PSG7: variants seen among roughly 807,000 people sequenced by gnomAD.
PSG7 encodes pregnancy specific beta-1-glycoprotein 7, also known as pregnancy-specific beta-1-glycoprotein 7.
A neutral mutation model predicts 45.6 loss-of-function variants in PSG7; 57 were observed. That is an observed-to-expected ratio of 1.25 (90% CI 1.01 to 1.56). The LOEUF is 1.56. Among genes scored for constraint, PSG7 ranks in the 40% most tolerant of loss-of-function variants. PSG7 has a pLI of 0.00. For synonymous variants in PSG7, 298 were observed against 194.4 expected (o/e 1.53, Z -4.43); for missense variants, 796 against 508.4 (o/e 1.57, Z -5.44).
rs753361600 is a variant in PSG7, at chr19:42,926,167, C to T, written c.989-140G>A. Reference sequence around the variant, plus strand: ...CAAATCCCCTCTATGTTCACTGAGCCGAAGCCTGAGGTATTCACCTGTTTC... The same window carrying T: ...CAAATCCCCTCTATGTTCACTGAGCTGAAGCCTGAGGTATTCACCTGTTTC... On this transcript the variant is annotated intron_variant, in intron 4 of 5. Coordinates refer to ENST00000406070, the MANE Select transcript of PSG7 (RefSeq NM_002783.3). The T allele has an allele frequency of 5.5e-5, 80 of 1,454,848 alleles. 2 individuals are homozygous for T. Among genetic ancestry groups the T allele is most frequent in the African/African-American group, 5.3e-4 (37 of 70,092 alleles). The allele number at this position is 1,454,848 out of a possible 1,614,324, so 90.1% of individuals were successfully genotyped here.
chr19:42,925,042 A>G (rs1972495332), intron 5 of PSG7: 3 of 564,660 alleles, frequency 5.3e-6, no homozygotes, highest in Non-Finnish European at 9.3e-6. Flanking sequence ...GCAATGGACT[A>G]TGTAGGCTCT....
At chr19:42,933,307 A>ATATATATATATATATTTTTTTT (rs56691588) in intron 2 of PSG7, among the ~76,000 whole-genome samples, 1 of 13,506 alleles carries the variant, frequency 7.4e-5, no homozygotes, top group Non-Finnish European at 1.6e-4. Context: ...ATATATATAT[A>ATATATATATATATATTTTTTTT]TTTTTTTTTT....
chr19:42,925,589 T>C, intron 5 of PSG7, 184 bp downstream of exon 5: 3 of 1,396,432 alleles, frequency 2.1e-6, no homozygotes, highest in Non-Finnish European at 2.9e-6. Context: ...TATGAAGATA[T>C]CAGCCTGTTT....
At chr19:42,932,675 G>T (rs1330890838) in intron 2 of PSG7, among the ~76,000 whole-genome samples, 2 of 151,406 alleles carry the variant, frequency 1.3e-5, no homozygotes, top group African/African-American at 4.9e-5. Flanking sequence ...GCTATCCTTG[G>T]GAAGAATTTG....
Position 42,926,000 on chromosome 19 carries a change from G to A in PSG7, c.1016C>T (p.Pro339Leu). ...LYGPDLPRIY[P>L]SFTYYHSGQN... ...TCCTGAATGGTAATAGGTGAATGAA[G>A]GGTAAATTCTGGGGAGGTCTGGACC... The change falls in exon 5 of 6, where the codon CCT becomes CTT. Residue 339 changes from proline (P) to leucine (L), a missense_variant. By Grantham distance (98) the Pro-to-Leu change is moderately conservative (BLOSUM62 -3). Transcript: ENST00000406070. 1.2e-6 allele frequency: 2 copies of A among 1,612,142 alleles called. No individual in the cohort carries two copies. The highest frequency in any genetic ancestry group is 1.7e-6 in the Non-Finnish European group (2 of 1,179,112).
rs983337571 is a variant in PSG7, at chr19:42,930,041, C to T, written c.431-321G>A. On this transcript the variant is annotated intron_variant, in intron 2 of 5. Transcript: ENST00000406070. ...CTCCATCTCCAACTGCCTGCCTGGC[C>T]CACCTTGTGGTCCTCACTTGGAGCA... Among the ~76,000 whole-genome samples the T allele has an allele frequency of 4.6e-5, 7 of 151,616 alleles. 1 individual carries two copies. The highest frequency in any genetic ancestry group is 1.5e-4 in the African/African-American group (6 of 41,228).
In PSG7 at chr19:42,925,892, G is replaced by A. The variant is rs192816757; in HGVS notation, c.1124C>T (p.Ser375Leu). The A allele has an allele frequency of 1.2e-6, 2 of 1,612,154 alleles. No individual in the cohort carries two copies. The highest frequency in any genetic ancestry group is 1.7e-6 in the Non-Finnish European group (2 of 1,179,138). Reference protein sequence around the residue: ...SWTINGKFQLSGQKLSIPQIT... With the variant: ...SWTINGKFQLLGQKLSIPQIT... Reference sequence around the variant, plus strand: ...CTGGGGGATAGAAAGCTTTTGTCCTGATAGCTGAAACTTCCCATTAATTGT... The same window carrying A: ...CTGGGGGATAGAAAGCTTTTGTCCTAATAGCTGAAACTTCCCATTAATTGT... The change falls in exon 5 of 6, where the codon TCA (serine) becomes TTA (leucine). Residue 375 changes from serine to leucine, a missense_variant. Coordinates refer to ENST00000406070, the MANE Select transcript of PSG7 (RefSeq NM_002783.3).
At chr19:42,931,011 TC>T (rs1177284390) in intron 2 of PSG7, among the ~76,000 whole-genome samples, 2 of 151,608 alleles carry the variant, frequency 1.3e-5, no homozygotes, top group Non-Finnish European at 2.9e-5. Flanking sequence ...AGTGAGCACT[TC>T]TTTTTAGCAT....
intron 5 of PSG7, chr19:42,925,305 TA>T: frequency 2.9e-6 from 1 of 341,510 alleles, no homozygotes; most frequent in Non-Finnish European, 5.3e-6. Context: ...TGTATTACCA[TA>T]AACATATCAA....
intron 2 of PSG7, among the ~76,000 whole-genome samples, chr19:42,934,136 A>G (rs1435233144): frequency 1.3e-5 from 2 of 151,448 alleles, no homozygotes; most frequent in South Asian, 2.1e-4. Flanking sequence ...CTCTCATGAC[A>G]GTGACATGGG....
intron 2 of PSG7, among the ~76,000 whole-genome samples, chr19:42,933,168 C>T (rs965323732): frequency 1.4e-5 from 2 of 145,266 alleles, no homozygotes; most frequent in African/African-American, 5.1e-5. Flanking sequence ...AACCCCTGAT[C>T]CACTGGGGAG....
chr19:42,925,648 A>T (rs1348774028), intron 5 of PSG7, 125 bp downstream of exon 5: 1 of 1,563,706 alleles, frequency 6.4e-7, no homozygotes, highest in Non-Finnish European at 8.7e-7. Flanking sequence ...TCAGGAGGAA[A>T]ATTTGGGATT....
chr19:42,935,449 C>A lies in PSG7; in HGVS notation c.385G>T (p.Asp129Tyr). The change falls in exon 2 of 6, where the codon GAT becomes TAT. Residue 129 changes from aspartate (D) to tyrosine (Y), a missense_variant. Coordinates refer to ENST00000406070, the MANE Select transcript of PSG7 (RefSeq NM_002783.3). ...CGTCCAGTTACTCCTCCAGTCCCATCACCTCGCTTTATGATGTGTAAAGTG... is the reference window on the plus strand; with the variant it reads ...CGTCCAGTTACTCCTCCAGTCCCATAACCTCGCTTTATGATGTGTAAAGTG... ...SYTLHIIKRG[D>Y]GTGGVTGRFT... 6.2e-7 allele frequency: 1 copy of A among 1,612,194 alleles called. No individual in the cohort carries two copies. The highest frequency in any genetic ancestry group is 8.5e-7 in the Non-Finnish European group (1 of 1,179,004).
chr19:42,925,196 A>C (rs1972497720), intron 5 of PSG7: 1 of 325,518 alleles, frequency 3.1e-6, no homozygotes, highest in Admixed American at 4.7e-5. Context: ...TATATTCTTA[A>C]ATATAACATC....
Position 42,925,940 on chromosome 19 carries a change from T to C in PSG7, c.1076A>G (p.Asn359Ser), listed in dbSNP as rs1189533695. ...TGTCCAAGAATACTGTGCCGGTGGG[T>C]TAGAGTCCGCAAAGCAGGACAAGTA... is the stretch of plus-strand genomic sequence containing the variant. ...NLYLSCFADS[N>S]PPAQYSWTIN... The change falls in exon 5 of 6, where the codon AAC (asparagine) becomes AGC (serine). Residue 359 changes from asparagine (N) to serine (S), a missense_variant. Physicochemically the swap from Asn to Ser is conservative, Grantham distance 46. Transcript: ENST00000406070. 2 of 1,612,016 alleles carry C rather than the reference T, an allele frequency of 1.2e-6. No homozygotes were observed. Among genetic ancestry groups the C allele is most frequent in the African/African-American group, 2.7e-5 (2 of 74,588 alleles).
In PSG7 at chr19:42,935,699, A is replaced by G; in HGVS notation, c.135T>C (p.Val45=). ...QVTIEAQPPK[V]SEGKDVLLLV... Reference sequence around the variant, plus strand: ...GTAGAAGAACATCCTTCCCCTCGGAAACTTTTGGTGGCTGGGCTTCAATCG... The same window carrying G: ...GTAGAAGAACATCCTTCCCCTCGGAGACTTTTGGTGGCTGGGCTTCAATCG... The change falls in exon 2 of 6, where the codon GTT becomes GTC. Residue 45 remains valine (V), a synonymous_variant. Coordinates refer to ENST00000406070, the MANE Select transcript of PSG7 (RefSeq NM_002783.3). 1 of 1,611,874 alleles carries G rather than the reference A, an allele frequency of 6.2e-7. No homozygotes were observed. The highest frequency in any genetic ancestry group is 1.3e-5 in the African/African-American group (1 of 74,598).
chr19:42,926,863 G>C (rs1353198991), intron 3 of PSG7, 147 bp from the exon 4 acceptor site: 1 of 1,406,676 alleles, frequency 7.1e-7, no homozygotes, highest in Non-Finnish European at 9.6e-7. Context: ...CAAGGTAGAT[G>C]CATGATGATC....
At position 42,925,847 on chromosome 19, in the gene PSG7, C is replaced by A. The variant is rs772522854; in HGVS notation, c.1169G>T (p.Gly390Val). ...GTTACGAACAGAGCAAGCATAGAGC[C>A]CGCTATGCTTTGTAGTAATCTGGGG... ...SIPQITTKHS[G>V]LYACSVRNSA... Residue 390 changes from glycine (G) to valine (V), a missense_variant, in exon 5 of 6, where the codon GGG becomes GTG. By Grantham distance (109) the Gly-to-Val change is moderately radical (BLOSUM62 -3). Transcript: ENST00000406070. The A allele has an allele frequency of 6.2e-7, 1 of 1,611,874 alleles. No individual in the cohort carries two copies.
At position 42,935,489 on chromosome 19, in the gene PSG7, T is replaced by A. The variant is rs375433199; in HGVS notation, c.345A>T (p.Glu115Asp). Reference sequence around the variant, plus strand: ...TGTGTAAAGTGTAGGATCCTGTGTCTTCCTGGGTGACATTCTGGATCAGCA... The same window carrying A: ...TGTGTAAAGTGTAGGATCCTGTGTCATCCTGGGTGACATTCTGGATCAGCA... ...ASLLIQNVTQEDTGSYTLHII... is the reference protein window; with the variant it reads ...ASLLIQNVTQDDTGSYTLHII... The change falls in exon 2 of 6, where the codon GAA becomes GAT. Residue 115 changes from glutamate to aspartate, a missense_variant. Coordinates refer to ENST00000406070, the MANE Select transcript of PSG7 (RefSeq NM_002783.3). 2.5e-5 allele frequency: 40 copies of A among 1,612,080 alleles called. No individual in the cohort carries two copies. Among genetic ancestry groups the A allele is most frequent in the Non-Finnish European group, 2.8e-5 (33 of 1,179,034 alleles).
Sources: gnomAD v4.1 joint callset for allele counts (sites outside exome capture counted in the v4.1 genomes callset) on GRCh38, gnomAD v4.1.1 for gene constraint, MANE v1.5 for transcripts, NCBI Gene and HGNC (gene_info 2026-07-23, HGNC 2026-07-21) for gene names.